CEP128: variants seen among roughly 807,000 people sequenced by gnomAD.
CEP128 encodes the protein centrosomal protein 128.
A neutral mutation model predicts 156.7 loss-of-function variants in CEP128; 132 were observed. The ratio of observed to expected loss-of-function variants is 0.84; its 90% CI spans 0.73 to 0.97. The LOEUF is 0.97. Ranked by LOEUF, CEP128 falls within the 50% of genes least tolerant of loss-of-function variation. CEP128 has a pLI of 0.00. For missense variants in CEP128, 1,252 were observed against 1,281.9 expected, an observed-to-expected ratio of 0.98 and a Z score of 0.36; for synonymous variants, 469 against 448.9, an observed-to-expected ratio of 1.04 and a Z score of -0.57.
chr14:80,916,665 A>G (rs991444512), intron 2 of CEP128, 103 bp from the exon 3 acceptor site: 15 of 904,944 alleles, frequency 1.7e-5, no homozygotes, highest in Middle Eastern at 2.9e-4. Context: ...TGTTTAATAC[A>G]TTAGTAATTT....
intron 19 of CEP128, among the ~76,000 whole-genome samples, chr14:80,615,614 C>G (rs1400544985): frequency 2.0e-5 from 3 of 152,124 alleles, no homozygotes; most frequent in Non-Finnish European, 4.4e-5. Flanking sequence ...CATTGGGAGG[C>G]CAAGGTGGGT....
intron 13 of CEP128, among the ~76,000 whole-genome samples, chr14:80,814,683 G>C (rs1884748561): frequency 6.6e-6 from 1 of 152,020 alleles, no homozygotes; most frequent in Admixed American, 6.6e-5. Flanking sequence ...TCTGGGCGTT[G>C]GTCTAAGCAA....
At chr14:80,812,085 T>C (rs750785843) in intron 13 of CEP128, among the ~76,000 whole-genome samples, 2 of 152,184 alleles carry the variant, frequency 1.3e-5, no homozygotes, top group Non-Finnish European at 1.5e-5. Flanking sequence ...ACAGTGTCTA[T>C]TGTTCCTTTC....
At chr14:80,736,521 C>T (rs1190909461) in intron 19 of CEP128, among the ~76,000 whole-genome samples, 2 of 150,294 alleles carry the variant, frequency 1.3e-5, no homozygotes, top group African/African-American at 4.9e-5. Context: ...CACACACATA[C>T]ACACACACAC....
intron 8 of CEP128, among the ~76,000 whole-genome samples, chr14:80,879,817 T>G (rs1431283832): frequency 2.2e-5 from 3 of 135,716 alleles, no homozygotes; most frequent in Admixed American, 1.5e-4. Flanking sequence ...GATATCCAGA[T>G]CTACGAAGCT....
intron 21 of CEP128, among the ~76,000 whole-genome samples, chr14:80,558,864 G>A (rs1225598035): frequency 6.6e-6 from 1 of 152,172 alleles, no homozygotes; most frequent in African/African-American, 2.4e-5. Flanking sequence ...TTGTGACACT[G>A]GTGAAAATAA....
intron 13 of CEP128, among the ~76,000 whole-genome samples, chr14:80,798,486 C>A (rs903359952): frequency 6.6e-6 from 1 of 152,190 alleles, no homozygotes; most frequent in African/African-American, 2.4e-5. Flanking sequence ...ATGAGGAAAG[C>A]TCATTGTGTC....
Position 80,862,639 on chromosome 14 carries a change from G to T in CEP128, c.762+118C>A, listed in dbSNP as rs192516715. 73 of 708,324 alleles carry T rather than the reference G, an allele frequency of 1.0e-4. No homozygotes were observed. In the African/African-American group the frequency reaches 1.2e-3, roughly 11 times the overall value. The allele number at this position is 708,324 out of a possible 1,614,324, so 43.9% of individuals were successfully genotyped here. A position where few individuals can be genotyped will look rare whatever the true frequency, so the allele number is the denominator to read the frequency against. ...ATACACTGAACTATAACCAATATGT[G>T]ATATTAATACTTCTCAGATGGGTTG... On this transcript the variant is annotated intron_variant, in intron 9 of 24. Coordinates refer to ENST00000555265, the MANE Select transcript of CEP128 (RefSeq NM_152446.5).
At chr14:80,729,059 GTGTGTGTGTGTGTGTGTGTGTGTGT>G (rs1566880999) in intron 19 of CEP128, among the ~76,000 whole-genome samples, 1 of 16,450 alleles carries the variant, frequency 6.1e-5, no homozygotes, top group African/African-American at 1.9e-4. Flanking sequence ...GCTGGTGGGG[GTGTGTGTGTGTGTGTGTGTGTGTGT>G]GTGTGTGTGT....
chr14:80,808,551 G>T (rs61979451), intron 13 of CEP128, among the ~76,000 whole-genome samples: 48,326 of 151,770 alleles, frequency 0.32, 8,715 homozygotes, highest in Non-Finnish European at 0.4. Context: ...CTGGACCACC[G>T]CTACCACTAC....
chr14:80,943,864 G>T (rs978779208), upstream of CEP128, among the ~76,000 whole-genome samples: 1 of 151,868 alleles, frequency 6.6e-6, no homozygotes, highest in Non-Finnish European at 1.5e-5. Flanking sequence ...TGTGGTGGTG[G>T]GCACCTGTAA....
chr14:80,931,839 C>A (rs1056606802), intron 2 of CEP128, among the ~76,000 whole-genome samples: 2 of 152,190 alleles, frequency 1.3e-5, no homozygotes, highest in African/African-American at 4.8e-5. Flanking sequence ...GAGACTGAGC[C>A]AGGGCCTTCT....
At chr14:80,904,006 T>C (rs1883733458) in intron 6 of CEP128, among the ~76,000 whole-genome samples, 1 of 152,158 alleles carries the variant, frequency 6.6e-6, no homozygotes, top group Admixed American at 6.5e-5. Context: ...CCAAAGCTAC[T>C]GAAATCAGTA....
At chr14:80,686,968 T>G (rs1273141932) in intron 19 of CEP128, among the ~76,000 whole-genome samples, 1 of 152,096 alleles carries the variant, frequency 6.6e-6, no homozygotes, top group Non-Finnish European at 1.5e-5. Flanking sequence ...CCAACGAAAC[T>G]TAGACTCCAA....
intron 18 of CEP128, among the ~76,000 whole-genome samples, chr14:80,748,035 A>G (rs1368909415): frequency 6.6e-6 from 1 of 152,204 alleles, no homozygotes; most frequent in Non-Finnish European, 1.5e-5. Flanking sequence ...TTATATCTCA[A>G]TTAAGCTGTT....
chr14:80,554,364 C>T (rs1025861729), intron 21 of CEP128, among the ~76,000 whole-genome samples: 4 of 152,078 alleles, frequency 2.6e-5, no homozygotes, highest in South Asian at 2.1e-4. Flanking sequence ...TTAGCATAAA[C>T]GCTATGCTGA....
chr14:80,956,959 C>T (rs1213639273), intron 2 of CEP128, among the ~76,000 whole-genome samples: 11 of 152,110 alleles, frequency 7.2e-5, no homozygotes, highest in Admixed American at 5.2e-4. Context: ...TTGATTACAC[C>T]TCTACATAGG....
intron 19 of CEP128, among the ~76,000 whole-genome samples, chr14:80,654,048 C>T (rs75164021): frequency 6.6e-6 from 1 of 152,110 alleles, no homozygotes; most frequent in Admixed American, 6.6e-5. Context: ...AATGTGAAAG[C>T]CCCTGCTTTA....
At chr14:80,615,790 C>T (rs1893185186) in intron 19 of CEP128, among the ~76,000 whole-genome samples, 1 of 152,092 alleles carries the variant, frequency 6.6e-6, no homozygotes, top group African/African-American at 2.4e-5. Context: ...CAGAGTTGCA[C>T]TGAGCCAAGA....
Sources: allele counts gnomAD v4.1 joint callset (sites outside exome capture counted in the v4.1 genomes callset), GRCh38; gene constraint gnomAD v4.1.1; transcripts MANE v1.5; gene names NCBI Gene and HGNC (gene_info 2026-07-23, HGNC 2026-07-21).